CDC14B: variants seen among roughly 807,000 people sequenced by gnomAD.
The protein encoded by CDC14B is dual specificity protein phosphatase CDC14B.
A neutral mutation model predicts 64.2 loss-of-function variants in CDC14B; 22 were observed. The observed-to-expected ratio is 0.34, with a 90% CI of 0.24 to 0.49. The LOEUF is 0.49. CDC14B is among the 20% of genes least tolerant of loss of function. The probability of loss-of-function intolerance (pLI) is 0.99; values close to 1 mark genes in which losing one functional copy is unlikely to be tolerated. For missense variants in CDC14B, 498 were observed against 629.9 expected (o/e 0.79, Z 2.24); for synonymous variants, 191 against 215.8 (o/e 0.89, Z 1.01).
At chr9:96,537,003 T>A (rs1402811176) in intron 7 of CDC14B, among the ~76,000 whole-genome samples, 1 of 152,154 alleles carries the variant, frequency 6.6e-6, no homozygotes, top group East Asian at 1.9e-4. Context: ...TAAGAAATTT[T>A]GTGTGGTTGG....
At chr9:96,566,959 G>A in intron 1 of CDC14B, 1 of 1,476,188 alleles carries the variant, frequency 6.8e-7, no homozygotes, top group South Asian at 1.4e-5. Context: ...ACCCCTCGGC[G>A]GCCCAACGGC....
Position 96,523,077 on chromosome 9 carries a change from T to A in CDC14B, c.1245+184A>T, listed in dbSNP as rs183132803. On this transcript the variant is annotated intron_variant, in intron 11 of 13. Coordinates refer to ENST00000375241, the MANE Select transcript of CDC14B (RefSeq NM_033331.4). Reference sequence around the variant, plus strand: ...GCTGAGTAAGTAAAACATAGTTTTATGGACACACAACCTTGTTTCCACTAT... The same window carrying A: ...GCTGAGTAAGTAAAACATAGTTTTAAGGACACACAACCTTGTTTCCACTAT... Among the ~76,000 whole-genome samples the A allele has an allele frequency of 5.8e-4, 88 of 152,302 alleles. 1 individual carries two copies. The highest frequency in any genetic ancestry group is 1.1e-3 in the Non-Finnish European group (77 of 68,028).
At chr9:96,583,495 C>T (rs962012141) in intron 1 of CDC14B, among the ~76,000 whole-genome samples, 1 of 150,606 alleles carries the variant, frequency 6.6e-6, no homozygotes, top group African/African-American at 2.4e-5. Context: ...CTTCCGGGTT[C>T]AAGCGATTCT....
At chr9:96,566,937 G>A (rs1844085647) in intron 1 of CDC14B, 2 of 1,508,804 alleles carry the variant, frequency 1.3e-6, no homozygotes, top group Non-Finnish European at 1.8e-6. Context: ...GCGGGGCAGC[G>A]GGCGCAGCGA....
intron 1 of CDC14B, chr9:96,566,734 G>A (rs1295189635): frequency 2.5e-6 from 4 of 1,587,920 alleles, no homozygotes; most frequent in Non-Finnish European, 8.6e-7. Flanking sequence ...GGGTGCCGGA[G>A]CCCCCAGGGG....
At chr9:96,556,319 T>C (rs1396234291) in intron 4 of CDC14B, among the ~76,000 whole-genome samples, 1 of 152,032 alleles carries the variant, frequency 6.6e-6, no homozygotes, top group Non-Finnish European at 1.5e-5. Flanking sequence ...CAGTCTTTCC[T>C]ACGCCAAGAA....
chr9:96,545,083 C>T (rs2131926225), intron 5 of CDC14B, among the ~76,000 whole-genome samples: 1 of 152,232 alleles, frequency 6.6e-6, no homozygotes, highest in Admixed American at 6.5e-5. Context: ...TTAACAGGTC[C>T]TCTAGTTGTC....
intron 4 of CDC14B, among the ~76,000 whole-genome samples, chr9:96,552,578 G>A (rs1427175595): frequency 1.3e-5 from 2 of 151,970 alleles, no homozygotes; most frequent in African/African-American, 4.8e-5. Context: ...ATAGTTTCTA[G>A]ATAACGTTCT....
chr9:96,521,750 C>CA (rs940211663), intron 12 of CDC14B, among the ~76,000 whole-genome samples: 3 of 152,092 alleles, frequency 2.0e-5, no homozygotes, highest in African/African-American at 2.4e-5. Context: ...TCCCTCCCCG[C>CA]AAAAAAGAAG....
At position 96,553,204 on chromosome 9, in the gene CDC14B, C is replaced by T. The variant is rs144179167; in HGVS notation, c.421-1332G>A. 5.4e-3 allele frequency among the ~76,000 whole-genome samples: 822 copies of T among 152,212 alleles called. 5 individuals are homozygous for T. Among genetic ancestry groups the T allele is most frequent in the South Asian group, 9.1e-3 (44 of 4,826 alleles). ...AATTTTTCAAAGTTCAAAGATCCAG[C>T]AAGGATCTTAGAAACTCAGAAACAG... is the stretch of plus-strand genomic sequence containing the variant. On this transcript the variant is annotated intron_variant, in intron 4 of 13. Coordinates refer to ENST00000375241, the MANE Select transcript of CDC14B (RefSeq NM_033331.4).
intron 1 of CDC14B, among the ~76,000 whole-genome samples, chr9:96,606,758 G>T (rs1467165583): frequency 6.6e-6 from 1 of 151,838 alleles, no homozygotes; most frequent in Non-Finnish European, 1.5e-5. Flanking sequence ...TAGAGATGGG[G>T]TTTCTCCATG....
downstream of CDC14B, among the ~76,000 whole-genome samples, chr9:96,499,608 G>A (rs559158677): frequency 6.6e-6 from 1 of 152,068 alleles, no homozygotes; most frequent in Non-Finnish European, 1.5e-5. Context: ...CTGGCAGCAG[G>A]AGCCCCCTGT....
downstream of CDC14B, chr9:96,500,004 C>T (rs1587704556): frequency 6.6e-6 from 1 of 152,602 alleles, no homozygotes; most frequent in Non-Finnish European, 1.5e-5. Context: ...CCATTATGGC[C>T]GTCCTAGAAA....
chr9:96,618,044 G>A (rs963133195), intron 1 of CDC14B, among the ~76,000 whole-genome samples: 1 of 152,072 alleles, frequency 6.6e-6, no homozygotes, highest in Admixed American at 6.5e-5. Flanking sequence ...TCCTATGCCC[G>A]CTCTGGTTCC....
chr9:96,522,300 T>G (rs909897662), intron 12 of CDC14B, among the ~76,000 whole-genome samples: 1 of 152,102 alleles, frequency 6.6e-6, no homozygotes, highest in Non-Finnish European at 1.5e-5. Context: ...TTCCCACCCA[T>G]AAAGGCTCAT....
chr9:96,595,239 G>A (rs1348215127), intron 1 of CDC14B, among the ~76,000 whole-genome samples: 2 of 152,206 alleles, frequency 1.3e-5, no homozygotes, highest in African/African-American at 4.8e-5. Flanking sequence ...GTATCAGACT[G>A]TTTAAGTAAC....
chr9:96,595,371 C>T (rs931774891), intron 1 of CDC14B, among the ~76,000 whole-genome samples: 1 of 152,122 alleles, frequency 6.6e-6, no homozygotes, highest in Non-Finnish European at 1.5e-5. Flanking sequence ...AAGCATGACA[C>T]GTAAAGAAAA....
intron 1 of CDC14B, among the ~76,000 whole-genome samples, chr9:96,612,650 A>G (rs1847395083): frequency 1.3e-5 from 2 of 152,116 alleles, no homozygotes; most frequent in African/African-American, 4.8e-5. Context: ...TTTCTTCCCT[A>G]AAGATTTCAA....
chr9:96,546,731 T>TGAGCCACC (rs1840922639), intron 5 of CDC14B, among the ~76,000 whole-genome samples: 1 of 151,844 alleles, frequency 6.6e-6, no homozygotes, highest in African/African-American at 2.4e-5. Context: ...ATTACAGGCG[T>TGAGCCACC]GAGCCACCGC....
Sources: allele counts gnomAD v4.1 joint callset (sites outside exome capture counted in the v4.1 genomes callset), GRCh38; gene constraint gnomAD v4.1.1; transcripts MANE v1.5; gene names NCBI Gene and HGNC (gene_info 2026-07-23, HGNC 2026-07-21).